The following EYS variants were observed in gnomAD, a reference collection of about 807,000 sequenced individuals.
EYS encodes EGF-like photoreceptor maintenance factor.
Under a neutral mutation model 282.1 loss-of-function variants are expected in EYS, and 250 were observed. That is an observed-to-expected ratio of 0.89 (90% CI 0.80 to 0.98). EYS has a LOEUF of 0.98. Ranked by LOEUF, EYS falls within the 50% of genes least tolerant of loss-of-function variation. The probability of loss-of-function intolerance (pLI) is 0.00; values close to 1 mark genes in which losing one functional copy is unlikely to be tolerated. For synonymous variants in EYS, 1,355 were observed against 1,282.9 expected, an observed-to-expected ratio of 1.06 and a Z score of -1.20; for missense variants, 4,016 against 3,709.0, an observed-to-expected ratio of 1.08 and a Z score of -2.15.
intron 30 of EYS, among the ~76,000 whole-genome samples, chr6:64,287,406 A>T (rs1288929384): frequency 6.6e-6 from 1 of 152,210 alleles, no homozygotes; most frequent in East Asian, 1.9e-4. Flanking sequence ...AATTTAATAT[A>T]AAAATGAGTA....
chr6:65,020,810 G>A (rs182539891), intron 13 of EYS, among the ~76,000 whole-genome samples: 16 of 152,246 alleles, frequency 1.1e-4, no homozygotes, highest in East Asian at 3.9e-4. Context: ...TCTAGGTGGC[G>A]GTTTCCAAAC....
chr6:64,843,492 G>A (rs1206716677), intron 19 of EYS, among the ~76,000 whole-genome samples: 1 of 152,188 alleles, frequency 6.6e-6, no homozygotes, highest in Non-Finnish European at 1.5e-5. Context: ...TGTGAGACAT[G>A]GAGTCAAAGG....
intron 31 of EYS, among the ~76,000 whole-genome samples, chr6:64,135,790 A>T (rs1171548987): frequency 1.3e-5 from 2 of 152,156 alleles, no homozygotes; most frequent in East Asian, 3.8e-4. Context: ...ATTGCCAAAA[A>T]ATGCTCATGA....
At chr6:63,878,015 G>A (rs1773025012) in intron 35 of EYS, among the ~76,000 whole-genome samples, 1 of 152,194 alleles carries the variant, frequency 6.6e-6, no homozygotes, top group Non-Finnish European at 1.5e-5. Context: ...TTCTATTGCT[G>A]GTGAGGAGCT....
At chr6:64,145,735 T>C (rs1480486267) in intron 31 of EYS, among the ~76,000 whole-genome samples, 1 of 152,204 alleles carries the variant, frequency 6.6e-6, no homozygotes, top group Non-Finnish European at 1.5e-5. Context: ...ACTGTATGAC[T>C]TCAGACTACA....
chr6:64,005,832 G>GT (rs561944604), intron 33 of EYS, among the ~76,000 whole-genome samples: 46 of 151,908 alleles, frequency 3.0e-4, no homozygotes, highest in Non-Finnish European at 5.6e-4. Flanking sequence ...CTTTGTGTCT[G>GT]TTTTTTTGTA....
intron 26 of EYS, among the ~76,000 whole-genome samples, chr6:64,511,238 CATAT>C (rs971606330): frequency 7.0e-6 from 1 of 143,294 alleles, no homozygotes; most frequent in East Asian, 2.0e-4. Context: ...ATATATATAT[CATAT>C]ATATATATGA....
At chr6:64,365,043 A>G (rs1772142923) in intron 29 of EYS, among the ~76,000 whole-genome samples, 1 of 151,994 alleles carries the variant, frequency 6.6e-6, no homozygotes, top group Non-Finnish European at 1.5e-5. Flanking sequence ...CATTCAGAAG[A>G]ATATCAAGGA....
chr6:65,117,070 T>C (rs74913990), intron 12 of EYS, among the ~76,000 whole-genome samples: 1 of 152,172 alleles, frequency 6.6e-6, no homozygotes, highest in Non-Finnish European at 1.5e-5. Flanking sequence ...GTGATATGAA[T>C]CACTTTCAGG....
chr6:65,664,488 G>A (rs1035992317), intron 1 of EYS, among the ~76,000 whole-genome samples: 1 of 152,142 alleles, frequency 6.6e-6, no homozygotes, highest in African/African-American at 2.4e-5. Flanking sequence ...AAAGAAAGTT[G>A]AAGAGAGGAG....
chr6:64,758,828 A>G (rs1410869650), intron 22 of EYS, among the ~76,000 whole-genome samples: 1 of 152,212 alleles, frequency 6.6e-6, no homozygotes, highest in Non-Finnish European at 1.5e-5. Flanking sequence ...ATAAAACTCT[A>G]TCACCAATGA....
chr6:65,131,363 A>G (rs1296346606), intron 12 of EYS, among the ~76,000 whole-genome samples: 1 of 151,986 alleles, frequency 6.6e-6, no homozygotes, highest in Non-Finnish European at 1.5e-5. Context: ...AAGAACTGAA[A>G]TCATACCAAA....
At chr6:64,532,452 G>A (rs1764378071) in intron 26 of EYS, among the ~76,000 whole-genome samples, 2 of 152,186 alleles carry the variant, frequency 1.3e-5, no homozygotes, top group Admixed American at 1.3e-4. Context: ...GCTCACGCCT[G>A]TAATCCCAGC....
At chr6:63,819,198 T>C (rs1271426232) in intron 36 of EYS, among the ~76,000 whole-genome samples, 2 of 152,214 alleles carry the variant, frequency 1.3e-5, no homozygotes, top group Non-Finnish European at 2.9e-5. Context: ...AATGAATGCA[T>C]GACTCTCCTC....
intron 15 of EYS, among the ~76,000 whole-genome samples, chr6:64,943,570 G>T (rs1769173173): frequency 6.6e-6 from 1 of 151,850 alleles, no homozygotes; most frequent in Non-Finnish European, 1.5e-5. Flanking sequence ...TTTACAATAT[G>T]AAATCTCATT....
At chr6:64,449,335 TC>T (rs1338887594) in intron 26 of EYS, among the ~76,000 whole-genome samples, 1 of 152,036 alleles carries the variant, frequency 6.6e-6, no homozygotes. Flanking sequence ...GAACAAAGCC[TC>T]CAAGACATAT....
intron 28 of EYS, among the ~76,000 whole-genome samples, chr6:64,398,709 C>T (rs796562318): frequency 1.3e-5 from 2 of 151,922 alleles, no homozygotes; most frequent in African/African-American, 4.8e-5. Context: ...TTCTTCAAAT[C>T]CTCCTATCTG....
chr6:64,430,606 G>A (rs1774545769), intron 28 of EYS, among the ~76,000 whole-genome samples: 1 of 152,068 alleles, frequency 6.6e-6, no homozygotes, highest in Non-Finnish European at 1.5e-5. Context: ...TTATCCTAAA[G>A]GTAGACAGTT....
At chr6:64,851,874 A>G (rs981014824) in intron 19 of EYS, among the ~76,000 whole-genome samples, 5 of 152,106 alleles carry the variant, frequency 3.3e-5, no homozygotes, top group African/African-American at 1.2e-4. Flanking sequence ...GGTGGTCTGT[A>G]CAAGAAACCC....
Sources: gnomAD v4.1 joint callset for allele counts (sites outside exome capture counted in the v4.1 genomes callset) on GRCh38, gnomAD v4.1.1 for gene constraint, MANE v1.5 for transcripts, NCBI Gene and HGNC (gene_info 2026-07-23, HGNC 2026-07-21) for gene names.